Variants in LARS2 observed in about 807,000 individuals in gnomAD.
LARS2 encodes the protein leucyl-tRNA synthetase 2, mitochondrial, also known as leucine--tRNA ligase, mitochondrial.
In LARS2, 81 loss-of-function variants were observed where a neutral mutation model predicts 116.6. The ratio of observed to expected loss-of-function variants is 0.69; its 90% CI spans 0.58 to 0.84. LARS2 has a LOEUF of 0.84. LARS2 is among the 40% of genes least tolerant of loss of function. The probability of loss-of-function intolerance (pLI) is 0.00; values close to 1 mark genes in which losing one functional copy is unlikely to be tolerated. For missense variants in LARS2, 968 were observed against 1,114.5 expected (o/e 0.87, Z 1.87); for synonymous variants, 396 against 407.2 (o/e 0.97, Z 0.33).
chr3:45,398,347 T>G (rs189484377), intron 3 of LARS2, among the ~76,000 whole-genome samples: 36 of 152,368 alleles, frequency 2.4e-4, no homozygotes, highest in African/African-American at 8.2e-4. Flanking sequence ...TTATGTGTAT[T>G]ATCAGTCATG....
chr3:45,414,603 C>T (rs1443031875), intron 4 of LARS2, among the ~76,000 whole-genome samples: 4 of 152,058 alleles, frequency 2.6e-5, no homozygotes, highest in Non-Finnish European at 4.4e-5. Flanking sequence ...GGGGCAGTGG[C>T]TCATGCCTGT....
chr3:45,494,643 C>T (rs1699977859), intron 13 of LARS2, among the ~76,000 whole-genome samples: 1 of 152,196 alleles, frequency 6.6e-6, no homozygotes, highest in African/African-American at 2.4e-5. Context: ...TGAGGAGTCT[C>T]CAAGGCAGCT....
At chr3:45,525,673 T>A (rs1700520897) in intron 20 of LARS2, among the ~76,000 whole-genome samples, 1 of 152,342 alleles carries the variant, frequency 6.6e-6, no homozygotes, top group Non-Finnish European at 1.5e-5. Context: ...GTGTCTTAAG[T>A]CATCTTCTGG....
intron 6 of LARS2, among the ~76,000 whole-genome samples, chr3:45,439,808 T>C (rs1698875313): frequency 6.6e-6 from 1 of 152,166 alleles, no homozygotes; most frequent in Non-Finnish European, 1.5e-5. Context: ...AACCAAATCA[T>C]GTTCTTAGCT....
chr3:45,534,933 A>G (rs1426426215), intron 20 of LARS2, among the ~76,000 whole-genome samples: 1 of 152,218 alleles, frequency 6.6e-6, no homozygotes, highest in African/African-American at 2.4e-5. Flanking sequence ...TTTGTTTACC[A>G]TAATATTGTC....
At position 45,458,876 on chromosome 3, in the gene LARS2, C is replaced by T. The variant is rs188421325; in HGVS notation, c.740C>T (p.Ala247Val). 1.7e-5 allele frequency: 27 copies of T among 1,613,974 alleles called. No homozygotes were observed. The highest frequency in any genetic ancestry group is 2.2e-5 in the Non-Finnish European group (26 of 1,179,864). ...AGACAATGGTTTATTAAGACAACCG[C>T]TTATGCAAAGGTGAGTGTCAGCCTG... ...YLRQWFIKTTAYAKAMQDALA... is the reference protein window; with the variant it reads ...YLRQWFIKTTVYAKAMQDALA... Residue 247 changes from alanine to valine, a missense_variant, in exon 8 of 22, where the codon GCT becomes GTT. By Grantham distance (64) the Ala-to-Val change is moderately conservative (BLOSUM62 0). Coordinates refer to ENST00000645846, the MANE Select transcript of LARS2 (RefSeq NM_015340.4).
rs571953268 is a variant in LARS2, at chr3:45,393,391, A to G, written c.-21-1042A>G. 3.3e-5 allele frequency among the ~76,000 whole-genome samples: 5 copies of G among 152,252 alleles called. No individual in the cohort carries two copies. The East Asian group carries it at 9.6e-4, about 29-fold the overall frequency. ...GCAGTTCGACACCAACCTGGCCAACATGGTGAAACCCCATCTCCACTAAAA... is the reference window on the plus strand; with the variant it reads ...GCAGTTCGACACCAACCTGGCCAACGTGGTGAAACCCCATCTCCACTAAAA... On this transcript the variant is annotated intron_variant, in intron 2 of 21. Coordinates refer to ENST00000645846, the MANE Select transcript of LARS2 (RefSeq NM_015340.4).
At chr3:45,511,873 G>A (rs1233867708) in intron 15 of LARS2, among the ~76,000 whole-genome samples, 1 of 148,624 alleles carries the variant, frequency 6.7e-6, no homozygotes, top group Admixed American at 6.8e-5. Context: ...CGCTTCCTGG[G>A]CTCAAGCAAC....
intron 10 of LARS2, among the ~76,000 whole-genome samples, chr3:45,478,117 A>G (rs1180766239): frequency 1.3e-5 from 2 of 152,202 alleles, no homozygotes; most frequent in African/African-American, 2.4e-5. Context: ...AAATAGAGAA[A>G]AGAGTCTTTT....
At chr3:45,431,428 A>G (rs1698712171) in intron 6 of LARS2, among the ~76,000 whole-genome samples, 1 of 152,252 alleles carries the variant, frequency 6.6e-6, no homozygotes, top group Non-Finnish European at 1.5e-5. Context: ...TTGTCTACAT[A>G]ATTTAAGAGA....
At chr3:45,441,499 G>T (rs536589654) in intron 6 of LARS2, among the ~76,000 whole-genome samples, 2 of 152,294 alleles carry the variant, frequency 1.3e-5, no homozygotes, top group East Asian at 3.9e-4. Context: ...GAGGATGCGA[G>T]GACTTGAACC....
At chr3:45,538,671 C>G (rs1468368155) in intron 20 of LARS2, among the ~76,000 whole-genome samples, 2 of 152,222 alleles carry the variant, frequency 1.3e-5, no homozygotes, top group African/African-American at 4.8e-5. Flanking sequence ...CTTCACTTCC[C>G]TCAGGCTGAC....
rs567328444 is a variant in LARS2 at position 45,439,407 on chromosome 3, T to G, written c.517-7484T>G. Among the ~76,000 whole-genome samples, 49 of 151,602 alleles carry G rather than the reference T, an allele frequency of 3.2e-4. No homozygotes were observed. In the South Asian group the frequency reaches 9.4e-3, roughly 29 times the overall value. ...GGCTAATTTTTGTATTTTTAGTAGA[T>G]ACAGGGTTTCACAATGTTGGCCAGG... On this transcript the variant is annotated intron_variant, in intron 6 of 21. Coordinates refer to ENST00000645846, the MANE Select transcript of LARS2 (RefSeq NM_015340.4).
intron 14 of LARS2, among the ~76,000 whole-genome samples, chr3:45,498,390 G>A (rs543046575): frequency 6.6e-6 from 1 of 152,206 alleles, no homozygotes; most frequent in South Asian, 2.1e-4. Flanking sequence ...CTTGTTTTCC[G>A]GCCAAATACC....
At chr3:45,463,841 A>T (rs1006539445) in intron 8 of LARS2, among the ~76,000 whole-genome samples, 1 of 152,098 alleles carries the variant, frequency 6.6e-6, no homozygotes, top group Admixed American at 6.6e-5. Flanking sequence ...TGCAGGGGAG[A>T]CGAGGAGGAG....
At chr3:45,434,656 C>T (rs1002878318) in intron 6 of LARS2, among the ~76,000 whole-genome samples, 1 of 152,074 alleles carries the variant, frequency 6.6e-6, no homozygotes, top group African/African-American at 2.4e-5. Context: ...CTATTGAAAC[C>T]GAGATATTTG....
chr3:45,535,378 GA>G (rs1284904226), intron 20 of LARS2, among the ~76,000 whole-genome samples: 1 of 149,666 alleles, frequency 6.7e-6, no homozygotes, highest in African/African-American at 2.4e-5. Context: ...GAAAAGAAAA[GA>G]AAAGAAAGAA....
At chr3:45,427,935 C>A (rs149416308) in intron 6 of LARS2, among the ~76,000 whole-genome samples, 8 of 151,722 alleles carry the variant, frequency 5.3e-5, no homozygotes, top group Non-Finnish European at 8.8e-5. Context: ...AATTCTCCTG[C>A]CTCAGCCTCC....
At chr3:45,511,281 C>A (rs1037984101) in intron 15 of LARS2, among the ~76,000 whole-genome samples, 2 of 152,168 alleles carry the variant, frequency 1.3e-5, no homozygotes, top group African/African-American at 2.4e-5. Context: ...CTGCTGAGGA[C>A]CTGCCTGCCA....
Sources: allele counts gnomAD v4.1 joint callset (sites outside exome capture counted in the v4.1 genomes callset), GRCh38; gene constraint gnomAD v4.1.1; transcripts MANE v1.5; gene names NCBI Gene and HGNC (gene_info 2026-07-23, HGNC 2026-07-21).